Variants in FAM110B observed in about 807,000 individuals in gnomAD.
FAM110B encodes the protein protein FAM110B.
Under a neutral mutation model 20.4 loss-of-function variants are expected in FAM110B, and 6 were observed. The observed-to-expected ratio is 0.29, with a 90% CI of 0.16 to 0.58. The LOEUF (loss-of-function observed/expected upper bound fraction) is 0.58. Among genes scored for constraint, FAM110B ranks in the 20% least tolerant of loss-of-function variants. The pLI is 0.90. For missense variants in FAM110B, 434 were observed against 498.2 expected (o/e 0.87, Z 1.23); for synonymous variants, 226 against 214.1 (o/e 1.06, Z -0.49).
intron 3 of FAM110B, among the ~76,000 whole-genome samples, chr8:58,142,150 C>T (rs1185245424): frequency 6.6e-6 from 1 of 152,192 alleles, no homozygotes; most frequent in African/African-American, 2.4e-5. Flanking sequence ...ATTTCTGTGC[C>T]TAAAAAGCTC....
At chr8:58,107,020 T>G (rs565336954) in intron 3 of FAM110B, among the ~76,000 whole-genome samples, 1 of 152,318 alleles carries the variant, frequency 6.6e-6, no homozygotes, top group East Asian at 1.9e-4. Flanking sequence ...TTGCATGGTT[T>G]TGGGTTATAT....
intron 1 of FAM110B, among the ~76,000 whole-genome samples, chr8:58,020,843 T>C (rs1036402920): frequency 2.6e-5 from 4 of 152,188 alleles, no homozygotes; most frequent in African/African-American, 9.7e-5. Flanking sequence ...GTCTGAGGCT[T>C]GTCTTTCTCT....
At chr8:58,124,757 T>A (rs2150629564) in intron 3 of FAM110B, among the ~76,000 whole-genome samples, 1 of 152,318 alleles carries the variant, frequency 6.6e-6, no homozygotes, top group South Asian at 2.1e-4. Context: ...CTCATCTCTA[T>A]TAAAATAGTC....
At chr8:58,115,367 G>A (rs935024222) in intron 3 of FAM110B, among the ~76,000 whole-genome samples, 11 of 151,606 alleles carry the variant, frequency 7.3e-5, no homozygotes, top group African/African-American at 1.7e-4. Context: ...AGTCAAAAGC[G>A]GAGCCTGAAT....
chr8:58,090,324 T>C (rs1258916153), intron 3 of FAM110B, among the ~76,000 whole-genome samples: 2 of 152,196 alleles, frequency 1.3e-5, no homozygotes, highest in African/African-American at 4.8e-5. Flanking sequence ...CACACCTGGC[T>C]AACTTTTTGT....
chr8:58,019,374 G>GAAAGA (rs1285857411), intron 1 of FAM110B, among the ~76,000 whole-genome samples: 1 of 123,182 alleles, frequency 8.1e-6, no homozygotes. Flanking sequence ...AAGAAAGAAA[G>GAAAGA]AAAGAAAAGA....
intron 3 of FAM110B, among the ~76,000 whole-genome samples, chr8:58,137,283 G>A (rs1329098709): frequency 6.6e-6 from 1 of 152,204 alleles, no homozygotes; most frequent in Admixed American, 6.5e-5. Flanking sequence ...ACATTGGCCA[G>A]GCACGGTGGC....
chr8:58,094,499 G>A (rs1409296159), intron 3 of FAM110B, among the ~76,000 whole-genome samples: 2 of 152,106 alleles, frequency 1.3e-5, no homozygotes, highest in South Asian at 2.1e-4. Flanking sequence ...TGCATCTATC[G>A]AGATAATCAT....
intron 3 of FAM110B, among the ~76,000 whole-genome samples, chr8:58,126,485 G>A (rs1807507636): frequency 6.6e-6 from 1 of 152,026 alleles, no homozygotes. Context: ...TATTTACCAG[G>A]GTGTCTCTAC....
intron 2 of FAM110B, among the ~76,000 whole-genome samples, chr8:58,059,566 C>G (rs1308870448): frequency 6.6e-6 from 1 of 150,594 alleles, no homozygotes; most frequent in Non-Finnish European, 1.5e-5. Context: ...AGTGTCTGTT[C>G]AAGTCTTTTG....
chr8:58,118,268 C>T (rs1224816529), intron 3 of FAM110B, among the ~76,000 whole-genome samples: 2 of 152,166 alleles, frequency 1.3e-5, no homozygotes, highest in Non-Finnish European at 2.9e-5. Flanking sequence ...ATGGTCTGTC[C>T]TGGAAATGCC....
intron 2 of FAM110B, among the ~76,000 whole-genome samples, chr8:58,059,074 TTAG>T (rs1394673798): frequency 6.6e-6 from 1 of 152,160 alleles, no homozygotes; most frequent in East Asian, 1.9e-4. Context: ...TTCCTGTCAC[TTAG>T]TAGGATGTCT....
intron 2 of FAM110B, among the ~76,000 whole-genome samples, chr8:58,052,602 G>T (rs1350826215): frequency 6.6e-6 from 1 of 151,870 alleles, no homozygotes; most frequent in Non-Finnish European, 1.5e-5. Context: ...GCATTCAAAT[G>T]GTAAAAATTA....
At chr8:58,105,170 G>A (rs1315731468) in intron 3 of FAM110B, among the ~76,000 whole-genome samples, 1 of 151,948 alleles carries the variant, frequency 6.6e-6, no homozygotes, top group Non-Finnish European at 1.5e-5. Flanking sequence ...AATTGCTTTG[G>A]GCTCCATGTT....
At chr8:58,087,669 T>C (rs1806371847) in intron 3 of FAM110B, among the ~76,000 whole-genome samples, 1 of 152,212 alleles carries the variant, frequency 6.6e-6, no homozygotes, top group Non-Finnish European at 1.5e-5. Context: ...CCCTGTTCCC[T>C]GGAGTATTAG....
At chr8:58,077,614 C>T (rs1216164227) in intron 3 of FAM110B, among the ~76,000 whole-genome samples, 1 of 152,150 alleles carries the variant, frequency 6.6e-6, no homozygotes. Flanking sequence ...GTAAGAAGAA[C>T]AGCAAGGCAG....
At chr8:58,038,345 T>A (rs1805130113) in intron 2 of FAM110B, among the ~76,000 whole-genome samples, 1 of 152,206 alleles carries the variant, frequency 6.6e-6, no homozygotes, top group African/African-American at 2.4e-5. Flanking sequence ...AAGACAGAGA[T>A]GTTGCATATT....
chr8:58,064,073 A>T (rs976416994), intron 2 of FAM110B, among the ~76,000 whole-genome samples: 1 of 152,166 alleles, frequency 6.6e-6, no homozygotes, highest in Non-Finnish European at 1.5e-5. Flanking sequence ...GGTGCCACAC[A>T]TTTTTAAACA....
At chr8:58,142,950 C>T (rs566708167) in intron 3 of FAM110B, among the ~76,000 whole-genome samples, 149 of 152,356 alleles carry the variant, frequency 9.8e-4, no homozygotes, top group Non-Finnish European at 7.1e-4. Context: ...CTGTTCAGGA[C>T]ATCAGAGGGC....
Sources: gnomAD v4.1 joint callset for allele counts (sites outside exome capture counted in the v4.1 genomes callset) on GRCh38, gnomAD v4.1.1 for gene constraint, MANE v1.5 for transcripts, NCBI Gene and HGNC (gene_info 2026-07-23, HGNC 2026-07-21) for gene names.